The following RNLS variants were observed in gnomAD, a reference collection of about 807,000 sequenced individuals.
The protein encoded by RNLS is renalase, FAD dependent amine oxidase.
In RNLS, 39 loss-of-function variants were observed where a neutral mutation model predicts 39.8. That is an observed-to-expected ratio of 0.98 (90% CI 0.76 to 1.28). The LOEUF is 1.28. Ranked by LOEUF, RNLS falls within the 50% of genes most tolerant of loss-of-function variation. RNLS has a pLI of 0.00. For missense variants in RNLS, 410 were observed against 413.3 expected, an observed-to-expected ratio of 0.99 and a Z score of 0.07; for synonymous variants, 147 against 150.7, an observed-to-expected ratio of 0.98 and a Z score of 0.18.
At chr10:88,325,749 A>G (rs1846553769) in intron 5 of RNLS, among the ~76,000 whole-genome samples, 1 of 152,166 alleles carries the variant, frequency 6.6e-6, no homozygotes, top group East Asian at 1.9e-4. Flanking sequence ...TCTATGATTG[A>G]CATGGTTTGG....
chr10:88,252,632 G>A, the RNLS span, among the ~76,000 whole-genome samples: 1 of 151,912 alleles, frequency 6.6e-6, no homozygotes, highest in African/African-American at 2.4e-5. Flanking sequence ...ATCCGGTTAA[G>A]TTTCTCTCAT....
At chr10:88,394,049 G>T (rs1276352135) in intron 4 of RNLS, among the ~76,000 whole-genome samples, 2 of 152,062 alleles carry the variant, frequency 1.3e-5, no homozygotes, top group Non-Finnish European at 2.9e-5. Context: ...AATTCAAATG[G>T]ATTAAAGACT....
intron 5 of RNLS, among the ~76,000 whole-genome samples, chr10:88,347,542 GT>G (rs1263483785): frequency 6.6e-6 from 1 of 151,960 alleles, no homozygotes. Flanking sequence ...AAACCATAAC[GT>G]TCCTATCTAA....
At chr10:88,232,023 G>A in the RNLS span, among the ~76,000 whole-genome samples, 30 of 151,782 alleles carry the variant, frequency 2.0e-4, no homozygotes, top group East Asian at 4.7e-3. Context: ...AAGATTCCAT[G>A]TTTGTGGTTG....
intron 4 of RNLS, among the ~76,000 whole-genome samples, chr10:88,534,322 T>A (rs138094642): frequency 6.6e-6 from 1 of 152,260 alleles, no homozygotes; most frequent in East Asian, 1.9e-4. Flanking sequence ...CTGTGTGACC[T>A]AATACTGGTC....
intron 4 of RNLS, among the ~76,000 whole-genome samples, chr10:88,399,358 A>G (rs1718453552): frequency 6.6e-6 from 1 of 152,114 alleles, no homozygotes; most frequent in South Asian, 2.1e-4. Flanking sequence ...AATAATATTT[A>G]TAATAGCCAA....
chr10:88,236,953 A>G, the RNLS span, among the ~76,000 whole-genome samples: 1 of 152,170 alleles, frequency 6.6e-6, no homozygotes, highest in African/African-American at 2.4e-5. Context: ...AAATTCAGGT[A>G]GACTACTGGA....
intron 4 of RNLS, among the ~76,000 whole-genome samples, chr10:88,565,660 A>C (rs932998158): frequency 6.6e-6 from 1 of 151,978 alleles, no homozygotes; most frequent in Non-Finnish European, 1.5e-5. Context: ...CATATGGCAC[A>C]ATACTCCTCC....
chr10:88,502,095 T>C (rs1564852238), intron 4 of RNLS, among the ~76,000 whole-genome samples: 1 of 152,140 alleles, frequency 6.6e-6, no homozygotes, highest in South Asian at 2.1e-4. Context: ...ATACAAGATA[T>C]ATCAAATTAG....
chr10:88,180,168 AG>A, the RNLS span, among the ~76,000 whole-genome samples: 1 of 152,234 alleles, frequency 6.6e-6, no homozygotes, highest in African/African-American at 2.4e-5. Flanking sequence ...TGTACATCAA[AG>A]CTAGATCTGC....
At chr10:88,511,182 T>A (rs1256095822) in intron 4 of RNLS, among the ~76,000 whole-genome samples, 5 of 152,208 alleles carry the variant, frequency 3.3e-5, no homozygotes, top group Middle Eastern at 3.4e-3. Context: ...TTCCAAGCCT[T>A]CTACAGCTGC....
chr10:88,573,096 G>A, intron 3 of RNLS, 35 bp from the exon 4 acceptor site: 1 of 1,602,770 alleles, frequency 6.2e-7, no homozygotes, highest in South Asian at 1.1e-5. Flanking sequence ...CCCATTATCA[G>A]AATTGCATAT....
chr10:88,226,122 T>A, the RNLS span, among the ~76,000 whole-genome samples: 1 of 152,224 alleles, frequency 6.6e-6, no homozygotes, highest in African/African-American at 2.4e-5. Context: ...CTCTGAGGCA[T>A]TGCTTAAAGG....
At chr10:88,517,201 T>C (rs907198641) in intron 4 of RNLS, among the ~76,000 whole-genome samples, 1 of 151,966 alleles carries the variant, frequency 6.6e-6, no homozygotes. Flanking sequence ...CAATTATGAA[T>C]TCATTGTGCA....
intron 4 of RNLS, among the ~76,000 whole-genome samples, chr10:88,454,155 G>A (rs1238099932): frequency 1.3e-5 from 2 of 152,192 alleles, no homozygotes; most frequent in Non-Finnish European, 2.9e-5. Flanking sequence ...TGAAAGAATG[G>A]TTGGTGAGAG....
chr10:88,571,791 C>T (rs1849855881), intron 4 of RNLS, among the ~76,000 whole-genome samples: 1 of 152,184 alleles, frequency 6.6e-6, no homozygotes, highest in Non-Finnish European at 1.5e-5. Context: ...CCCTGTTCAC[C>T]TCTGGATCTC....
chr10:88,535,131 T>C (rs1847670638), intron 4 of RNLS, among the ~76,000 whole-genome samples: 1 of 152,162 alleles, frequency 6.6e-6, no homozygotes, highest in Admixed American at 6.5e-5. Context: ...AATAAAGTAA[T>C]ATTAAAAATC....
chr10:88,391,122 T>A (rs922353897), intron 4 of RNLS, among the ~76,000 whole-genome samples: 3 of 152,190 alleles, frequency 2.0e-5, no homozygotes, highest in African/African-American at 7.2e-5. Flanking sequence ...ATTTGTAACA[T>A]CCCAATTCAA....
intron 4 of RNLS, among the ~76,000 whole-genome samples, chr10:88,414,148 G>T (rs1156729552): frequency 6.6e-6 from 1 of 151,768 alleles, no homozygotes; most frequent in East Asian, 1.9e-4. Context: ...CTGAATCTAT[G>T]TGGTCTTCTG....
Sources: allele counts gnomAD v4.1 joint callset (sites outside exome capture counted in the v4.1 genomes callset), GRCh38; gene constraint gnomAD v4.1.1; transcripts MANE v1.5; gene names NCBI Gene and HGNC (gene_info 2026-07-23, HGNC 2026-07-21).